Variants in ZNF423 observed in about 807,000 individuals in gnomAD.
ZNF423 encodes the protein Ebf-associated zinc finger protein.
ZNF423 carries 12 observed loss-of-function variants against 95.8 expected under a neutral mutation model. That is an observed-to-expected ratio of 0.13 (90% confidence interval 0.08 to 0.20). ZNF423 has a LOEUF of 0.20. Among genes scored for constraint, ZNF423 ranks in the 10% least tolerant of loss-of-function variants. The probability of loss-of-function intolerance (pLI) is 1.00; values close to 1 mark genes in which losing one functional copy is unlikely to be tolerated. For synonymous variants in ZNF423, 749 were observed against 711.9 expected, an observed-to-expected ratio of 1.05 and a Z score of -0.83; for missense variants, 1,316 against 1,737.1, an observed-to-expected ratio of 0.76 and a Z score of 4.31.
At chr16:49,582,387 C>T (rs1970701706) in intron 5 of ZNF423, among the ~76,000 whole-genome samples, 2 of 152,218 alleles carry the variant, frequency 1.3e-5, no homozygotes, top group African/African-American at 4.8e-5. Flanking sequence ...ATCTGTGCTC[C>T]CATTGCATTC....
At chr16:49,849,113 G>C (rs1164175306) in intron 1 of ZNF423, among the ~76,000 whole-genome samples, 1 of 152,188 alleles carries the variant, frequency 6.6e-6, no homozygotes, top group Non-Finnish European at 1.5e-5. Flanking sequence ...TCACTCCTGA[G>C]TCCTTAGTGG....
At chr16:49,780,513 A>G (rs1446496307) in intron 2 of ZNF423, 3 of 152,202 alleles carry the variant, frequency 2.0e-5, no homozygotes, top group African/African-American at 7.2e-5. Flanking sequence ...TGCACACAAG[A>G]TACAGAATGC....
chr16:49,819,253 A>G, intron 1 of ZNF423, among the ~76,000 whole-genome samples: 1 of 150,952 alleles, frequency 6.6e-6, no homozygotes, highest in East Asian at 2.0e-4. Flanking sequence ...CCGTCTCAAA[A>G]AAAAAAAAAA....
At position 49,664,462 on chromosome 16, in the gene ZNF423, G is replaced by A. The variant is rs369437560; in HGVS notation, c.302-25588C>T. On this transcript the variant is annotated intron_variant, in intron 3 of 7. Coordinates refer to ENST00000563137, the MANE Select transcript of ZNF423 (RefSeq NM_001379286.1). ...GACCCAGTTGAGGGATCCAGGCCCC[G>A]GGGGCGACCGAGGAGTTCTGGCTCC... Among the ~76,000 whole-genome samples the A allele has an allele frequency of 7.0e-4, 107 of 152,342 alleles. 1 individual carries two copies. The East Asian group carries it at 0.017, about 24-fold the overall frequency.
rs1421875911 is a variant in ZNF423 at position 49,510,521 on chromosome 16, T to A, written c.3849+13103A>T. 2.0e-5 allele frequency among the ~76,000 whole-genome samples: 3 copies of A among 152,008 alleles called. No homozygotes were observed. The East Asian group carries it at 5.8e-4, about 29-fold the overall frequency. On this transcript the variant is annotated intron_variant, in intron 7 of 7. Transcript: ENST00000563137. ...GTAGCTTCTTACGACCTCACATGAGTGTGTCTCCTTGTTGTAAATGGGTAA... is the reference window on the plus strand; with the variant it reads ...GTAGCTTCTTACGACCTCACATGAGAGTGTCTCCTTGTTGTAAATGGGTAA...
At chr16:49,533,716 G>A (rs574934838) in intron 5 of ZNF423, among the ~76,000 whole-genome samples, 19 of 152,346 alleles carry the variant, frequency 1.2e-4, no homozygotes, top group Admixed American at 2.0e-4. Context: ...CAGGCTGCGC[G>A]GAGGAGAATC....
intron 5 of ZNF423, among the ~76,000 whole-genome samples, chr16:49,611,952 T>C (rs1971737123): frequency 6.6e-6 from 1 of 152,050 alleles, no homozygotes. Context: ...GAAATAGATA[T>C]TTTGAATAGT....
intron 2 of ZNF423, among the ~76,000 whole-genome samples, chr16:49,739,485 T>C (rs752062087): frequency 6.6e-6 from 1 of 151,976 alleles, no homozygotes; most frequent in Non-Finnish European, 1.5e-5. Flanking sequence ...TGGGTCCAAG[T>C]GTGAATCCTC....
chr16:49,676,336 A>C (rs80249626), intron 3 of ZNF423, among the ~76,000 whole-genome samples: 19,375 of 152,228 alleles, frequency 0.13, 1,545 homozygotes, highest in South Asian at 0.31. Flanking sequence ...CATCCATAAC[A>C]ACCAGGAACT....
chr16:49,856,469 CAA>C (rs560977507), upstream of ZNF423, among the ~76,000 whole-genome samples: 1 of 145,488 alleles, frequency 6.9e-6, no homozygotes. Context: ...CCCTGCCGCA[CAA>C]AAAAAAATAA....
chr16:49,767,952 G>C (rs2033958892), intron 2 of ZNF423, among the ~76,000 whole-genome samples: 1 of 152,220 alleles, frequency 6.6e-6, no homozygotes, highest in South Asian at 2.1e-4. Flanking sequence ...AAACCGTGTT[G>C]CCAAAATGAG....
intron 5 of ZNF423, among the ~76,000 whole-genome samples, chr16:49,531,077 T>C (rs900319561): frequency 1.3e-5 from 2 of 152,104 alleles, no homozygotes; most frequent in African/African-American, 4.8e-5. Flanking sequence ...GGGCTTTCCC[T>C]GAGGAAGGGG....
intron 5 of ZNF423, among the ~76,000 whole-genome samples, chr16:49,547,186 C>A (rs1431395991): frequency 6.6e-6 from 1 of 152,068 alleles, no homozygotes; most frequent in African/African-American, 2.4e-5. Context: ...TTGCCCTTCA[C>A]ATCCATTGCA....
At chr16:49,621,579 C>A (rs34068700) in intron 5 of ZNF423, among the ~76,000 whole-genome samples, 1 of 152,186 alleles carries the variant, frequency 6.6e-6, no homozygotes, top group Non-Finnish European at 1.5e-5. Context: ...CCCAAGTGCC[C>A]TGAGTTTATG....
At chr16:49,787,000 T>C (rs1597008035) in intron 2 of ZNF423, among the ~76,000 whole-genome samples, 1 of 152,256 alleles carries the variant, frequency 6.6e-6, no homozygotes, top group South Asian at 2.1e-4. Flanking sequence ...ACAGAGAAAT[T>C]ATGGAGCTGC....
At chr16:49,685,117 C>T (rs961169497) in intron 3 of ZNF423, among the ~76,000 whole-genome samples, 7 of 152,176 alleles carry the variant, frequency 4.6e-5, no homozygotes, top group Admixed American at 4.6e-4. Flanking sequence ...CAGCCAGGCA[C>T]AACAGCTCAA....
At chr16:49,533,631 C>A (rs1043629278) in intron 5 of ZNF423, among the ~76,000 whole-genome samples, 2 of 152,214 alleles carry the variant, frequency 1.3e-5, no homozygotes, top group African/African-American at 4.8e-5. Flanking sequence ...GACAGCTCAG[C>A]GGACGGCCCC....
At chr16:49,767,731 C>T (rs763562538) in intron 2 of ZNF423, among the ~76,000 whole-genome samples, 2 of 152,162 alleles carry the variant, frequency 1.3e-5, no homozygotes, top group Non-Finnish European at 2.9e-5. Flanking sequence ...AACACAGCAT[C>T]GAGGACAACA....
Position 49,511,468 on chromosome 16 carries a change from A to C in ZNF423, c.3849+12156T>G, listed in dbSNP as rs185087317. On this transcript the variant is annotated intron_variant, in intron 7 of 7. Coordinates refer to ENST00000563137, the MANE Select transcript of ZNF423 (RefSeq NM_001379286.1). ...TTTCTCCACGCTGGCAGCTATGTCCACATGGGGAGCCTCAGTTTACCCATC... is the reference window on the plus strand; with the variant it reads ...TTTCTCCACGCTGGCAGCTATGTCCCCATGGGGAGCCTCAGTTTACCCATC... 3.6e-3 allele frequency among the ~76,000 whole-genome samples: 551 copies of C among 152,334 alleles called. 2 individuals carry two copies. Among genetic ancestry groups the C allele is most frequent in the Admixed American group, 5.7e-3 (88 of 15,308 alleles).
Sources: gnomAD v4.1 joint callset for allele counts (sites outside exome capture counted in the v4.1 genomes callset) on GRCh38, gnomAD v4.1.1 for gene constraint, MANE v1.5 for transcripts, NCBI Gene and HGNC (gene_info 2026-07-23, HGNC 2026-07-21) for gene names.